CRTC1: variants seen among roughly 807,000 people sequenced by gnomAD.
The protein encoded by CRTC1 is CREB-regulated transcription coactivator 1.
Under a neutral mutation model 66.1 loss-of-function variants are expected in CRTC1, and 18 were observed. That is an observed-to-expected ratio of 0.27 (90% CI 0.19 to 0.40). The LOEUF (loss-of-function observed/expected upper bound fraction) is 0.40. Ranked by LOEUF, CRTC1 falls within the 10% of genes least tolerant of loss-of-function variation. The probability of loss-of-function intolerance (pLI) is 1.00; values close to 1 mark genes in which losing one functional copy is unlikely to be tolerated. For synonymous variants in CRTC1, 416 were observed against 398.8 expected, an observed-to-expected ratio of 1.04 and a Z score of -0.51; for missense variants, 669 against 887.9, an observed-to-expected ratio of 0.75 and a Z score of 3.13.
rs932522430 is a variant in CRTC1 at position 18,755,076 on chromosome 19, C to T, written c.624+1491C>T. Among the ~76,000 whole-genome samples, 12 of 151,020 alleles carry T rather than the reference C, an allele frequency of 7.9e-5. No homozygotes were observed. The East Asian group carries it at 2.0e-3, about 25-fold the overall frequency. On this transcript the variant is annotated intron_variant, in intron 6 of 13. Transcript: ENST00000321949. ...TCGGCTCACTGCAACCTCTGCCTCCCGGGTTCAAGCGAAGTGATTCTCCTG... is the reference window on the plus strand; with the variant it reads ...TCGGCTCACTGCAACCTCTGCCTCCTGGGTTCAAGCGAAGTGATTCTCCTG...
At chr19:18,693,686 T>C (rs1008567362) in intron 1 of CRTC1, among the ~76,000 whole-genome samples, 31 of 151,082 alleles carry the variant, frequency 2.1e-4, no homozygotes, top group Admixed American at 1.9e-3. Context: ...GGTTTCCCCA[T>C]GTTCGCCAGG....
intron 1 of CRTC1, among the ~76,000 whole-genome samples, chr19:18,698,102 CTCTGCAGGTGCACAGTTTGTGT>C (rs1396525236): frequency 6.6e-6 from 1 of 151,882 alleles, no homozygotes; most frequent in Admixed American, 6.5e-5. Context: ...ACGGTAGGTG[CTCTGCAGGTGCACAGTTTGTGT>C]TCTGCAGGCG....
chr19:18,741,571 C>A lies in CRTC1; in HGVS notation c.127-1339C>A, dbSNP rs1032563257. 6.6e-6 allele frequency among the ~76,000 whole-genome samples: 1 copy of A among 152,108 alleles called. No homozygotes were observed. The highest frequency in any genetic ancestry group is 6.5e-5 in the Admixed American group (1 of 15,270). ...AGGTGTGGGGTGGGAGCTGTAGGAC[C>A]CCCACCCTACACCCCCTCCCTCTGC... On this transcript the variant is annotated intron_variant, in intron 1 of 13. Coordinates refer to ENST00000321949, the MANE Select transcript of CRTC1 (RefSeq NM_015321.3). The surrounding 1 kb of genome is among the most constrained non-coding windows in gnomAD (Gnocchi z 4.2).
Position 18,683,682 on chromosome 19 carries a change from GGA to G in CRTC1, c.-19_-18del. 1 of 1,385,202 alleles carries G rather than the reference GGA, an allele frequency of 7.2e-7. No homozygotes were observed. Among genetic ancestry groups the G allele is most frequent in the Non-Finnish European group, 9.6e-7 (1 of 1,043,654 alleles). 85.8% of individuals were successfully genotyped at this position (1,385,202 alleles called of 1,614,324 possible). A position where few individuals can be genotyped will look rare whatever the true frequency, so the allele number is the denominator to read the frequency against. ...AGGAGGTGGAGGAGGAGGAGGAGGA[GGA>G]GGAGGTGGCGGCGAGAAGATGGCGA... On this transcript the variant is annotated 5_prime_UTR_variant, in exon 1 of 14. Transcript: ENST00000321949.
At chr19:18,773,668 G>A (rs1361040645) in intron 11 of CRTC1, among the ~76,000 whole-genome samples, 5 of 152,320 alleles carry the variant, frequency 3.3e-5, no homozygotes, top group East Asian at 1.9e-4. Context: ...ACCTGAAGCC[G>A]TTGATTTTTA....
At chr19:18,749,175 G>C (rs2054309842) in intron 4 of CRTC1, among the ~76,000 whole-genome samples, 1 of 152,184 alleles carries the variant, frequency 6.6e-6, no homozygotes, top group Non-Finnish European at 1.5e-5. Context: ...CCTCTCCTGG[G>C]CTAGTTGAAG....
chr19:18,694,536 G>A lies in CRTC1; in HGVS notation c.126+10708G>A, dbSNP rs141072430. ...TGGCTTTGACCTCCTGGGCTCTAGC[G>A]ATCCTCCCACCTCAGCCCCCTGAGT... On this transcript the variant is annotated intron_variant, in intron 1 of 13. Transcript: ENST00000321949. Among the ~76,000 whole-genome samples, 462 of 152,176 alleles carry A rather than the reference G, an allele frequency of 3.0e-3. 1 individual carries two copies. The highest frequency in any genetic ancestry group is 9.3e-3 in the South Asian group (45 of 4,824).
intron 1 of CRTC1, among the ~76,000 whole-genome samples, chr19:18,717,597 G>A (rs1246686906): frequency 2.0e-5 from 3 of 152,186 alleles, no homozygotes; most frequent in African/African-American, 7.2e-5. Flanking sequence ...GATGCGTGCA[G>A]CCACCAGCTT....
chr19:18,732,165 CT>C lies in CRTC1; in HGVS notation c.127-10744del, dbSNP rs202065590. Reference sequence around the variant, plus strand: ...CTTATTTGTGAGCAGGTGCCACAGACTGAATTCTGTCTCCCACAAACTCACA... The same window carrying C: ...CTTATTTGTGAGCAGGTGCCACAGACGAATTCTGTCTCCCACAAACTCACA... On this transcript the variant is annotated intron_variant, in intron 1 of 13. Transcript: ENST00000321949. Among the ~76,000 whole-genome samples the C allele has an allele frequency of 7.3e-3, 1,107 of 152,270 alleles. 9 individuals are homozygous for C. Among genetic ancestry groups the C allele is most frequent in the Non-Finnish European group, 8.0e-3 (541 of 68,024 alleles).
chr19:18,757,145 G>GTGTT (rs1375226546), intron 6 of CRTC1, among the ~76,000 whole-genome samples: 1 of 152,192 alleles, frequency 6.6e-6, no homozygotes, highest in African/African-American at 2.4e-5. Context: ...TCAGCCAGAA[G>GTGTT]TGTTTGCCCC....
At chr19:18,775,537 A>G (rs2054967714) in intron 12 of CRTC1, 104 bp from the exon 13 acceptor site, 1 of 1,053,994 alleles carries the variant, frequency 9.5e-7, no homozygotes, top group Non-Finnish European at 1.3e-6. Flanking sequence ...GCAGGGACAG[A>G]GTCCCCAGCT....
intron 1 of CRTC1, among the ~76,000 whole-genome samples, chr19:18,730,009 A>T (rs1285949002): frequency 6.6e-6 from 1 of 152,174 alleles, no homozygotes; most frequent in Non-Finnish European, 1.5e-5. Context: ...GCCACTGCCC[A>T]GCAGCAAGTG....
At position 18,778,700 on chromosome 19, in the gene CRTC1, G is replaced by A. The variant is rs2055046484; in HGVS notation, c.*1318G>A. ...GTCCTTAGAGTGTGTGTGTGAAGATGCCATGACCAGTGGCAGCTGAGACCT... is the reference window on the plus strand; with the variant it reads ...GTCCTTAGAGTGTGTGTGTGAAGATACCATGACCAGTGGCAGCTGAGACCT... On this transcript the variant is annotated 3_prime_UTR_variant, in exon 14 of 14. Transcript: ENST00000321949. 4.3e-6 allele frequency: 1 copy of A among 230,646 alleles called. No individual in the cohort carries two copies. Among genetic ancestry groups the A allele is most frequent in the East Asian group, 6.2e-5 (1 of 16,254 alleles). The allele number at this position is 230,646 out of a possible 1,614,324, so 14.3% of individuals were successfully genotyped here. A position where few individuals can be genotyped will look rare whatever the true frequency, so the allele number is the denominator to read the frequency against.
At chr19:18,713,907 C>A (rs1004430895) in intron 1 of CRTC1, among the ~76,000 whole-genome samples, 2 of 152,222 alleles carry the variant, frequency 1.3e-5, no homozygotes, top group African/African-American at 4.8e-5. Flanking sequence ...ACTGGCAGCC[C>A]GCTCCCCAGC....
intron 9 of CRTC1, among the ~76,000 whole-genome samples, chr19:18,766,190 C>T (rs1404434866): frequency 2.0e-5 from 3 of 146,474 alleles, no homozygotes; most frequent in South Asian, 2.2e-4. Context: ...GGCATGATCT[C>T]GGCTCACGGC....
intron 1 of CRTC1, among the ~76,000 whole-genome samples, chr19:18,716,256 TC>T (rs1273054935): frequency 2.0e-5 from 3 of 149,736 alleles, no homozygotes; most frequent in African/African-American, 7.5e-5. Context: ...CCCGAATGAC[TC>T]TTTTTTTTTT....
chr19:18,778,770 C>T lies in CRTC1; in HGVS notation c.*1388C>T, dbSNP rs1322299879. 3.0e-5 allele frequency: 7 copies of T among 230,984 alleles called. No individual in the cohort carries two copies. The highest frequency in any genetic ancestry group is 6.6e-5 in the African/African-American group (3 of 45,208). The allele number at this position is 230,984 out of a possible 1,614,324, so 14.3% of individuals were successfully genotyped here. ...GGGACTGGCAGGGAGCGAGGGTCCC[C>T]GAGACGAGGACCACGGTCCTCCCTG... On this transcript the variant is annotated 3_prime_UTR_variant, in exon 14 of 14. Coordinates refer to ENST00000321949, the MANE Select transcript of CRTC1 (RefSeq NM_015321.3).
chr19:18,743,823 G>A (rs1346736710), intron 2 of CRTC1, among the ~76,000 whole-genome samples: 3 of 152,250 alleles, frequency 2.0e-5, no homozygotes, highest in Non-Finnish European at 4.4e-5. Flanking sequence ...CAGAGTGCGG[G>A]CCATCACTGA....
Position 18,781,699 on chromosome 19 carries a change from G to A in CRTC1, c.*4317G>A, listed in dbSNP as rs1287939303. 2 of 230,596 alleles carry A rather than the reference G, an allele frequency of 8.7e-6. No homozygotes were observed. Among genetic ancestry groups the A allele is most frequent in the Non-Finnish European group, 8.6e-6 (1 of 116,518 alleles). The allele number at this position is 230,596 out of a possible 1,614,324, so 14.3% of individuals were successfully genotyped here. ...TCTTGTCACTTTCTCAAACCTGCAGGTCTCAGGGCCCCGGGCTCCTCCTGG... is the reference window on the plus strand; with the variant it reads ...TCTTGTCACTTTCTCAAACCTGCAGATCTCAGGGCCCCGGGCTCCTCCTGG... On this transcript the variant is annotated 3_prime_UTR_variant, in exon 14 of 14. Coordinates refer to ENST00000321949, the MANE Select transcript of CRTC1 (RefSeq NM_015321.3).
Sources: allele counts gnomAD v4.1 joint callset (sites outside exome capture counted in the v4.1 genomes callset), GRCh38; gene constraint gnomAD v4.1.1; non-coding constraint Gnocchi (gnomAD v3.1); transcripts MANE v1.5; gene names NCBI Gene and HGNC (gene_info 2026-07-23, HGNC 2026-07-21).